Variants in SEC61A1 observed in about 807,000 individuals in gnomAD.
SEC61A1 encodes the protein protein transport protein Sec61 subunit alpha isoform 1.
Under a neutral mutation model 55.2 loss-of-function variants are expected in SEC61A1, and 15 were observed. The observed-to-expected ratio is 0.27, with a 90% CI of 0.18 to 0.42. SEC61A1 has a LOEUF of 0.42. Among genes scored for constraint, SEC61A1 ranks in the 10% least tolerant of loss-of-function variants. The pLI is 1.00. For synonymous variants in SEC61A1, 247 were observed against 234.0 expected, an observed-to-expected ratio of 1.06 and a Z score of -0.51; for missense variants, 284 against 602.6, an observed-to-expected ratio of 0.47 and a Z score of 5.53.
At position 128,069,741 on chromosome 3, in the gene SEC61A1, G is replaced by A; in HGVS notation, c.*79G>A. On this transcript the variant is annotated 3_prime_UTR_variant, in exon 12 of 12. Transcript: ENST00000243253. ...AGCTCTCATCATGGCGCGTGCTGCT[G>A]CGGCATATGGACTTTTAATAATGTT... 2 of 1,158,128 alleles carry A rather than the reference G, an allele frequency of 1.7e-6. No individual in the cohort carries two copies. Among genetic ancestry groups the A allele is most frequent in the Admixed American group, 4.1e-5 (2 of 49,202 alleles). The allele number at this position is 1,158,128 out of a possible 1,614,324, so 71.7% of individuals were successfully genotyped here.
Position 128,066,379 on chromosome 3 carries a change from A to G in SEC61A1, c.778-575A>G, listed in dbSNP as rs75171230. On this transcript the variant is annotated intron_variant, in intron 8 of 11. Transcript: ENST00000243253. Reference sequence around the variant, plus strand: ...TAATGTGATAGGCTCTGTCTTTTGGAAAAAAAAAAAGTGGGGGTGGGGATC... The same window carrying G: ...TAATGTGATAGGCTCTGTCTTTTGGGAAAAAAAAAAGTGGGGGTGGGGATC... Among the ~76,000 whole-genome samples, 18 of 145,596 alleles carry G rather than the reference A, an allele frequency of 1.2e-4. No homozygotes were observed. In the South Asian group the frequency reaches 1.5e-3, roughly 12 times the overall value.
intron 5 of SEC61A1, among the ~76,000 whole-genome samples, chr3:128,057,441 T>A (rs1366816964): frequency 6.6e-6 from 1 of 152,234 alleles, no homozygotes; most frequent in African/African-American, 2.4e-5. Flanking sequence ...CTTAGCACCC[T>A]TGGCCACCAT....
chr3:128,051,854 C>G (rs1941677344), upstream of SEC61A1: 1 of 1,535,966 alleles, frequency 6.5e-7, no homozygotes, highest in South Asian at 1.2e-5. Flanking sequence ...GGAAGGGGAC[C>G]CACACCCACG....
At chr3:128,054,226 G>A (rs927789670) in intron 2 of SEC61A1, among the ~76,000 whole-genome samples, 1 of 152,210 alleles carries the variant, frequency 6.6e-6, no homozygotes, top group Non-Finnish European at 1.5e-5. Context: ...GAGGAGACAG[G>A]ACTTGGATAA....
rs1011417668 is a variant in SEC61A1 at position 128,060,664 on chromosome 3, A to G, written c.616+3A>G. Reference sequence around the variant, plus strand: ...CACTACTGTCAACACTGGCCGAGGTAAGGGCCCTGTGCTCCCCTGGTGGCG... The same window carrying G: ...CACTACTGTCAACACTGGCCGAGGTGAGGGCCCTGTGCTCCCCTGGTGGCG... On this transcript the variant is annotated splice_donor_region_variant and intron_variant, in intron 7 of 11. Coordinates refer to ENST00000243253, the MANE Select transcript of SEC61A1 (RefSeq NM_013336.4). 4 of 1,613,420 alleles carry G rather than the reference A, an allele frequency of 2.5e-6. No homozygotes were observed. The African/African-American group carries it at 4.0e-5, about 16-fold the overall frequency.
In SEC61A1 at chr3:128,061,822, C is replaced by T. The variant is rs534131926; in HGVS notation, c.616+1161C>T. 1.6e-3 allele frequency among the ~76,000 whole-genome samples: 244 copies of T among 152,238 alleles called. 1 individual carries two copies. Among genetic ancestry groups the T allele is most frequent in the African/African-American group, 5.4e-3 (226 of 41,530 alleles). On this transcript the variant is annotated intron_variant, in intron 7 of 11. Transcript: ENST00000243253. ...TTGTCAAGACCATCATGGTGACTGG[C>T]TTTTGGGGAGTGCCTGAGTGGGAAG...
At chr3:128,054,139 T>G (rs943119145) in intron 2 of SEC61A1, among the ~76,000 whole-genome samples, 1 of 151,570 alleles carries the variant, frequency 6.6e-6, no homozygotes, top group East Asian at 1.9e-4. Context: ...AGGACTAGAG[T>G]TGGTTTAGAG....
At chr3:128,051,717 G>C (rs988598070), upstream of SEC61A1, 1 of 1,456,756 alleles carries the variant, frequency 6.9e-7, no homozygotes, top group African/African-American at 1.4e-5. Flanking sequence ...ATCTATCAAG[G>C]CTCGGCACAA....
At chr3:128,057,504 T>G (rs1465706595) in intron 5 of SEC61A1, among the ~76,000 whole-genome samples, 8 of 152,206 alleles carry the variant, frequency 5.3e-5, no homozygotes, top group Admixed American at 6.5e-5. Context: ...TCATAAGGAT[T>G]AAATAATCAC....
upstream of SEC61A1, chr3:128,052,228 C>T (rs1576417654): frequency 5.5e-6 from 2 of 366,744 alleles, no homozygotes; most frequent in Non-Finnish European, 9.8e-6. Context: ...CGCACACCCC[C>T]AGTCCCGGCG....
At chr3:128,058,658 C>G (rs937288193) in intron 5 of SEC61A1, among the ~76,000 whole-genome samples, 1 of 152,044 alleles carries the variant, frequency 6.6e-6, no homozygotes. Flanking sequence ...GCCAGGAGTT[C>G]GTGACTAGCC....
intron 1 of SEC61A1, 105 bp downstream of exon 1, chr3:128,052,664 C>A: frequency 6.5e-7 from 1 of 1,539,674 alleles, no homozygotes; most frequent in Admixed American, 2.1e-5. Context: ...CGGCCCCCTG[C>A]AGAACGCGGC....
chr3:128,057,971 T>G (rs1033532785), intron 5 of SEC61A1, among the ~76,000 whole-genome samples: 3 of 152,196 alleles, frequency 2.0e-5, no homozygotes, highest in Non-Finnish European at 4.4e-5. Context: ...TGTTTCACTT[T>G]CTTCATCTGT....
At chr3:128,064,790 C>T (rs184299714) in intron 7 of SEC61A1, 87 bp from the exon 8 acceptor site, 3 of 1,243,286 alleles carry the variant, frequency 2.4e-6, no homozygotes, top group African/African-American at 3.0e-5. Flanking sequence ...AGTTTGTTTT[C>T]CTCTTTTTAT....
At position 128,063,515 on chromosome 3, in the gene SEC61A1, T is replaced by G. The variant is rs189973130; in HGVS notation, c.617-1362T>G. Among the ~76,000 whole-genome samples, 527 of 152,314 alleles carry G rather than the reference T, an allele frequency of 3.5e-3. 2 individuals carry two copies. Among genetic ancestry groups the G allele is most frequent in the Non-Finnish European group, 6.2e-3 (424 of 68,022 alleles). Reference sequence around the variant, plus strand: ...ATGTTCGGCTAATTTTTTTGTATTATTAGTAGAGACAGGGTTTCACCATCT... The same window carrying G: ...ATGTTCGGCTAATTTTTTTGTATTAGTAGTAGAGACAGGGTTTCACCATCT... On this transcript the variant is annotated intron_variant, in intron 7 of 11. Transcript: ENST00000243253.
In SEC61A1 at chr3:128,069,674, G is replaced by C. The variant is rs367612187; in HGVS notation, c.*12G>C. ...CCCTGCTCTTCTGAGCCCGTCTCCC[G>C]GACAGGTTGAGGAAGCTGCTCCAGA... On this transcript the variant is annotated 3_prime_UTR_variant, in exon 12 of 12. Coordinates refer to ENST00000243253, the MANE Select transcript of SEC61A1 (RefSeq NM_013336.4). 6.2e-7 allele frequency: 1 copy of C among 1,613,170 alleles called. No homozygotes were observed. The highest frequency in any genetic ancestry group is 8.5e-7 in the Non-Finnish European group (1 of 1,179,440).
chr3:128,067,162 T>C lies in SEC61A1; in HGVS notation c.975+11T>C. The C allele has an allele frequency of 6.2e-7, 1 of 1,613,338 alleles. No individual in the cohort carries two copies. Among genetic ancestry groups the C allele is most frequent in the Non-Finnish European group, 8.5e-7 (1 of 1,179,244 alleles). ...CTGGGCACCTGGTCGGTAAGTAGGCTCTTTGAAGATGAGCTAGCAATGCAG... is the reference window on the plus strand; with the variant it reads ...CTGGGCACCTGGTCGGTAAGTAGGCCCTTTGAAGATGAGCTAGCAATGCAG... On this transcript the variant is annotated intron_variant, in intron 9 of 11. Transcript: ENST00000243253. This position sits in a 1 kb window ranked among gnomAD's most constrained non-coding sequence, Gnocchi z 4.1.
At position 128,065,185 on chromosome 3, in the gene SEC61A1, A is replaced by G. The variant is rs773563706; in HGVS notation, c.777+148A>G. The G allele has an allele frequency of 2.6e-5, 24 of 911,698 alleles. No homozygotes were observed. In the African/African-American group the frequency reaches 3.6e-4, roughly 14 times the overall value. 56.5% of individuals were successfully genotyped at this position (911,698 alleles called of 1,614,324 possible). A position where few individuals can be genotyped will look rare whatever the true frequency, so the allele number is the denominator to read the frequency against. On this transcript the variant is annotated intron_variant, in intron 8 of 11. Transcript: ENST00000243253. ...GTATTTGAAGGCAGCAGGTTTCCAG[A>G]TGAGCTGGACAAGCATGTTCATTGA...
In SEC61A1 at chr3:128,057,214, G is replaced by A. The variant is rs147001746; in HGVS notation, c.352+374G>A. ...CCCAAAGTGCTGGGATTATAGGCGT[G>A]AGCCACCATGCCCAGCCCAAACAGT... On this transcript the variant is annotated intron_variant, in intron 5 of 11. Transcript: ENST00000243253. Among the ~76,000 whole-genome samples, 1,282 of 152,322 alleles carry A rather than the reference G, an allele frequency of 8.4e-3. 20 individuals carry two copies. Among genetic ancestry groups the A allele is most frequent in the African/African-American group, 0.03 (1,233 of 41,572 alleles).
Sources: allele counts gnomAD v4.1 joint callset (sites outside exome capture counted in the v4.1 genomes callset), GRCh38; gene constraint gnomAD v4.1.1; non-coding constraint Gnocchi (gnomAD v3.1); transcripts MANE v1.5; gene names NCBI Gene and HGNC (gene_info 2026-07-23, HGNC 2026-07-21).